The following RP1 variants were observed in gnomAD, a reference collection of about 807,000 sequenced individuals.
RP1 encodes the protein RP1 axonemal microtubule associated, also known as oxygen-regulated protein 1.
Under a neutral mutation model 14.8 loss-of-function variants are expected in RP1, and 16 were observed. The observed-to-expected ratio is 1.08, with a 90% CI of 0.73 to 1.65. The LOEUF is 1.65. RP1 is among the 40% of genes most tolerant of loss of function. The pLI is 0.00. For synonymous variants in RP1, 876 were observed against 883.6 expected (o/e 0.99, Z 0.15); for missense variants, 2,631 against 2,535.0 (o/e 1.04, Z -0.81).
At chr8:54,811,716 CA>C (rs1301055231) in intron 24 of RP1, among the ~76,000 whole-genome samples, 1 of 152,156 alleles carries the variant, frequency 6.6e-6, no homozygotes, top group Non-Finnish European at 1.5e-5. Flanking sequence ...ATCAGGGATT[CA>C]AAAGGTTGGG....
intron 24 of RP1, among the ~76,000 whole-genome samples, chr8:54,804,145 G>C (rs905507321): frequency 5.6e-5 from 1 of 17,720 alleles, no homozygotes; most frequent in Non-Finnish European, 1.0e-4. Flanking sequence ...TACATATGTG[G>C]GGGGGGGCTA....
chr8:54,797,273 C>T (rs7845855), intron 24 of RP1, among the ~76,000 whole-genome samples: 65,536 of 151,770 alleles, frequency 0.43, 14,665 homozygotes, highest in African/African-American at 0.54. Flanking sequence ...TAGAGGAGGA[C>T]GGCACCTCTT....
At chr8:54,706,400 GC>G in intron 14 of RP1, 1 of 1,523,320 alleles carries the variant, frequency 6.6e-7, no homozygotes, top group Non-Finnish European at 8.8e-7. Context: ...CAAAACACGA[GC>G]CCGTTACTGA....
chr8:54,571,505 C>T (rs1804522377), intron 1 of RP1, among the ~76,000 whole-genome samples: 1 of 152,194 alleles, frequency 6.6e-6, no homozygotes, highest in Admixed American at 6.5e-5. Flanking sequence ...CTCAGAGCCC[C>T]TATGCACCCC....
At chr8:54,869,947 G>T in exon 29 of RP1, 1 of 1,192,038 alleles carries the variant, frequency 8.4e-7, no homozygotes, top group Non-Finnish European at 1.1e-6. Context: ...TCCTGAAAGG[G>T]CCCACTTGGG....
At chr8:54,751,733 A>C (rs918599872) in intron 19 of RP1, among the ~76,000 whole-genome samples, 2 of 152,222 alleles carry the variant, frequency 1.3e-5, no homozygotes, top group Non-Finnish European at 2.9e-5. Flanking sequence ...GTCGTCCTGG[A>C]ATTTTGCCCT....
chr8:54,626,087 T>TA lies in RP1; in HGVS notation c.2206dup (p.Thr736AsnfsTer4), dbSNP rs1554519554. The stretch of plus-strand genomic sequence containing the variant: ...GTGAGGAAGACCTCCAGAAAAGTGA[T>TA]ACTGTAATTGAATCAAATACTTTTT... On this transcript the variant is annotated frameshift_variant, in exon 4 of 4. Coordinates refer to ENST00000220676, the MANE Select transcript of RP1 (RefSeq NM_006269.2). LOFTEE classifies it low-confidence loss of function (END_TRUNC). 1 of 1,613,614 alleles carries TA rather than the reference T, an allele frequency of 6.2e-7. No homozygotes were observed. Among genetic ancestry groups the TA allele is most frequent in the Non-Finnish European group, 8.5e-7 (1 of 1,179,696 alleles).
At chr8:54,863,044 GATAT>G (rs61233765) in intron 27 of RP1, among the ~76,000 whole-genome samples, 3,569 of 101,814 alleles carry the variant, frequency 0.035, 71 homozygotes, top group African/African-American at 0.055. Flanking sequence ...ATTCCAAATG[GATAT>G]ATATATATAT....
chr8:54,763,102 C>T (rs548507158), intron 22 of RP1, among the ~76,000 whole-genome samples: 1 of 152,192 alleles, frequency 6.6e-6, no homozygotes, highest in African/African-American at 2.4e-5. Context: ...TGAGTGGATT[C>T]TGTAATGTAT....
intron 15 of RP1, among the ~76,000 whole-genome samples, chr8:54,718,381 G>T (rs994512353): frequency 1.3e-5 from 2 of 152,164 alleles, no homozygotes; most frequent in Non-Finnish European, 2.9e-5. Context: ...GAGATCAATG[G>T]AGCAGAATAG....
chr8:54,763,628 C>T (rs564507717), intron 22 of RP1, among the ~76,000 whole-genome samples: 1 of 152,198 alleles, frequency 6.6e-6, no homozygotes, highest in South Asian at 2.1e-4. Context: ...AGTGGTGAGC[C>T]GATAGTGTGC....
downstream of RP1, chr8:54,770,275 A>G (rs1809869229): frequency 5.0e-6 from 2 of 396,146 alleles, no homozygotes; most frequent in Non-Finnish European, 4.5e-6. Context: ...ATTGAGTTTA[A>G]CTATTGATTG....
Position 54,624,837 on chromosome 8 carries a change from A to T in RP1, c.955A>T (p.Ile319Phe). The T allele has an allele frequency of 6.2e-7, 1 of 1,613,618 alleles. No homozygotes were observed. The highest frequency in any genetic ancestry group is 8.5e-7 in the Non-Finnish European group (1 of 1,179,846). ...ACCAATATATCCTTCTGAAGATGAT[A>T]TTGAGAAATCAATTATTTTTAATCA... ...NLPIYPSEDD[I>F]EKSIIFNQDG... The change falls in exon 4 of 4, where the codon ATT becomes TTT. Residue 319 changes from isoleucine to phenylalanine, a missense_variant. By Grantham distance (21) the Ile-to-Phe change is conservative. Coordinates refer to ENST00000220676, the MANE Select transcript of RP1 (RefSeq NM_006269.2).
At chr8:54,826,892 C>T (rs1326571376) in intron 24 of RP1, among the ~76,000 whole-genome samples, 2 of 152,228 alleles carry the variant, frequency 1.3e-5, no homozygotes, top group Non-Finnish European at 2.9e-5. Context: ...ATGGTCTAGC[C>T]TGCTACTCGC....
intron 12 of RP1, among the ~76,000 whole-genome samples, chr8:54,694,674 A>G (rs574977480): frequency 4.3e-4 from 66 of 151,870 alleles, no homozygotes; most frequent in Non-Finnish European, 6.9e-4. Context: ...TATCCCCTTT[A>G]TTATTTTTTA....
intron 18 of RP1, chr8:54,734,848 A>AC: frequency 1.1e-6 from 1 of 929,310 alleles, no homozygotes; most frequent in Non-Finnish European, 1.5e-6. Flanking sequence ...TATAAAATGA[A>AC]CCTCTGGTCT....
chr8:54,716,397 C>A (rs1343686898), intron 15 of RP1, among the ~76,000 whole-genome samples: 1 of 150,808 alleles, frequency 6.6e-6, no homozygotes, highest in Non-Finnish European at 1.5e-5. Flanking sequence ...TGTTTGATAT[C>A]TTGGTACAAA....
intron 27 of RP1, among the ~76,000 whole-genome samples, chr8:54,863,492 C>A (rs2129329221): frequency 6.6e-6 from 1 of 152,256 alleles, no homozygotes; most frequent in African/African-American, 2.4e-5. Flanking sequence ...TTAAGTCTTG[C>A]TTTTAAGATT....
exon 21 of RP1, chr8:54,755,733 A>C: frequency 6.5e-7 from 1 of 1,529,854 alleles, no homozygotes; most frequent in South Asian, 1.2e-5. Flanking sequence ...AGACAGCTGT[A>C]CAAATCTAAC....
Sources: allele counts gnomAD v4.1 joint callset (sites outside exome capture counted in the v4.1 genomes callset), GRCh38; gene constraint gnomAD v4.1.1; transcripts MANE v1.5; gene names NCBI Gene and HGNC (gene_info 2026-07-23, HGNC 2026-07-21).